SEMA3E: variants seen among roughly 807,000 people sequenced by gnomAD.
SEMA3E encodes semaphorin-3E.
In SEMA3E, 49 loss-of-function variants were observed where a neutral mutation model predicts 93.6. The ratio of observed to expected loss-of-function variants is 0.52; its 90% CI spans 0.42 to 0.66. The LOEUF (loss-of-function observed/expected upper bound fraction) is 0.66. SEMA3E is among the 30% of genes least tolerant of loss of function. SEMA3E has a pLI of 0.00. For synonymous variants in SEMA3E, 363 were observed against 330.7 expected (o/e 1.10, Z -1.06); for missense variants, 906 against 964.8 (o/e 0.94, Z 0.81).
chr7:83,473,697 A>G (rs1026658460), intron 2 of SEMA3E, among the ~76,000 whole-genome samples: 1 of 152,216 alleles, frequency 6.6e-6, no homozygotes, highest in African/African-American at 2.4e-5. Flanking sequence ...AATGGAACAG[A>G]TATTCTGATT....
At chr7:83,462,956 C>T (rs1213740709) in intron 4 of SEMA3E, among the ~76,000 whole-genome samples, 3 of 105,512 alleles carry the variant, frequency 2.8e-5, no homozygotes, top group African/African-American at 8.4e-5. Context: ...ATCCCAGCCT[C>T]TCTTCACTTT....
At chr7:83,567,686 T>G (rs954495019) in intron 1 of SEMA3E, among the ~76,000 whole-genome samples, 4 of 152,016 alleles carry the variant, frequency 2.6e-5, no homozygotes, top group Non-Finnish European at 5.9e-5. Flanking sequence ...CTTAAAAAAT[T>G]TTTTTAAATA....
chr7:83,443,937 ATATGTT>A (rs1789173383), intron 4 of SEMA3E, among the ~76,000 whole-genome samples: 2 of 141,576 alleles, frequency 1.4e-5, no homozygotes, highest in Admixed American at 1.4e-4. Context: ...ATATATATAT[ATATGTT>A]TATTACATGT....
intron 1 of SEMA3E, among the ~76,000 whole-genome samples, chr7:83,499,964 G>GGA (rs1790564160): frequency 6.6e-6 from 1 of 152,162 alleles, no homozygotes. Flanking sequence ...AATTATGTGG[G>GGA]GATAAGAAAT....
At chr7:83,604,071 G>A (rs1384169351) in intron 1 of SEMA3E, among the ~76,000 whole-genome samples, 1 of 152,054 alleles carries the variant, frequency 6.6e-6, no homozygotes, top group Non-Finnish European at 1.5e-5. Flanking sequence ...TAATGAACTT[G>A]ACTATAACCA....
At chr7:83,459,202 T>C (rs1385381843) in intron 4 of SEMA3E, among the ~76,000 whole-genome samples, 1 of 151,898 alleles carries the variant, frequency 6.6e-6, no homozygotes, top group East Asian at 1.9e-4. Flanking sequence ...TCTTAAAAGA[T>C]AAAGCAATTT....
intron 1 of SEMA3E, among the ~76,000 whole-genome samples, chr7:83,641,698 GC>G (rs1771371994): frequency 6.6e-6 from 1 of 152,006 alleles, no homozygotes. Flanking sequence ...GAAAATCTTT[GC>G]TTTTAAGTAA....
intron 1 of SEMA3E, among the ~76,000 whole-genome samples, chr7:83,523,935 A>G (rs1188714704): frequency 6.6e-6 from 1 of 152,126 alleles, no homozygotes; most frequent in African/African-American, 2.4e-5. Flanking sequence ...ACATTTAATA[A>G]AATATTTCAC....
Position 83,575,782 on chromosome 7 carries a change from T to C in SEMA3E, c.115+72646A>G, listed in dbSNP as rs141173336. On this transcript the variant is annotated intron_variant, in intron 1 of 16. Coordinates refer to ENST00000643230, the MANE Select transcript of SEMA3E (RefSeq NM_012431.3). ...AGAAAATATATCTTAACATTTTTAT[T>C]GTGTTTATAAGGAAAAATACCAATT... Among the ~76,000 whole-genome samples the C allele has an allele frequency of 6.1e-3, 931 of 152,304 alleles. 9 individuals carry two copies. The highest frequency in any genetic ancestry group is 0.022 in the African/African-American group (895 of 41,568).
chr7:83,560,787 C>T lies in SEMA3E; in HGVS notation c.116-70513G>A, dbSNP rs114862577. Among the ~76,000 whole-genome samples, 1,205 of 151,672 alleles carry T rather than the reference C, an allele frequency of 7.9e-3. 14 individuals carry two copies. The highest frequency in any genetic ancestry group is 0.028 in the African/African-American group (1,142 of 41,352). On this transcript the variant is annotated intron_variant, in intron 1 of 16. Transcript: ENST00000643230. ...TCTAGGTGCCAATGAACTTTGCCATCAGAAAATAATTTTTCAGAAGATTGC... is the reference window on the plus strand; with the variant it reads ...TCTAGGTGCCAATGAACTTTGCCATTAGAAAATAATTTTTCAGAAGATTGC...
At chr7:83,604,259 A>G (rs1162618632) in intron 1 of SEMA3E, among the ~76,000 whole-genome samples, 1 of 151,990 alleles carries the variant, frequency 6.6e-6, no homozygotes, top group Non-Finnish European at 1.5e-5. Context: ...GAGAAAGGAA[A>G]CTTCTTTCTT....
intron 1 of SEMA3E, chr7:83,616,849 T>C (rs1310714921): frequency 2.6e-5 from 9 of 345,316 alleles, no homozygotes; most frequent in Non-Finnish European, 4.5e-5. Context: ...CTCAGCCTCC[T>C]GAGTAGCTGG....
intron 1 of SEMA3E, among the ~76,000 whole-genome samples, chr7:83,534,476 A>G (rs529119627): frequency 4.6e-5 from 7 of 152,212 alleles, no homozygotes; most frequent in African/African-American, 7.2e-5. Context: ...CTCTTATTGT[A>G]TCTTAGAATT....
chr7:83,405,932 T>G lies in SEMA3E; in HGVS notation c.928+13A>C. On this transcript the variant is annotated intron_variant, in intron 8 of 16. Coordinates refer to ENST00000643230, the MANE Select transcript of SEMA3E (RefSeq NM_012431.3). ...CATAAAAGAGCAAATTTAATTCACC[T>G]AAAAACATTTACCTAATTCATCAAA... is the stretch of plus-strand genomic sequence containing the variant. 2 of 1,578,574 alleles carry G rather than the reference T, an allele frequency of 1.3e-6. No individual in the cohort carries two copies. The highest frequency in any genetic ancestry group is 1.7e-4 in the Middle Eastern group (1 of 5,978).
chr7:83,474,719 G>T (rs373469026), intron 2 of SEMA3E, among the ~76,000 whole-genome samples: 1 of 152,176 alleles, frequency 6.6e-6, no homozygotes, highest in East Asian at 1.9e-4. Context: ...TTACAATGCA[G>T]CTTTGCATAC....
chr7:83,463,289 C>G (rs1029522444), intron 4 of SEMA3E, among the ~76,000 whole-genome samples: 26 of 152,052 alleles, frequency 1.7e-4, no homozygotes, highest in Middle Eastern at 6.8e-3. Flanking sequence ...CTGTTTTAGC[C>G]TAGCCATCAT....
intron 1 of SEMA3E, among the ~76,000 whole-genome samples, chr7:83,606,724 G>A (rs1405005203): frequency 2.8e-5 from 4 of 142,542 alleles, no homozygotes; most frequent in Non-Finnish European, 6.0e-5. Context: ...TAACTAACCT[G>A]CACAATGTGC....
At position 83,464,850 on chromosome 7, in the gene SEMA3E, C is replaced by T. The variant is rs1197427204; in HGVS notation, c.456+1632G>A. On this transcript the variant is annotated intron_variant, in intron 4 of 16. Coordinates refer to ENST00000643230, the MANE Select transcript of SEMA3E (RefSeq NM_012431.3). ...GCAGCCCTGAGAAACATCGCCCATT[C>T]TCTCTCCATACCACCCCCCAAAAAT... 4.0e-5 allele frequency among the ~76,000 whole-genome samples: 6 copies of T among 149,756 alleles called. No individual in the cohort carries two copies. The East Asian group carries it at 1.0e-3, about 25-fold the overall frequency.
At position 83,412,354 on chromosome 7, in the gene SEMA3E, A is replaced by T. The variant is rs113898076; in HGVS notation, c.551-3867T>A. On this transcript the variant is annotated intron_variant, in intron 5 of 16. Transcript: ENST00000643230. ...TCTGAAATACAAAAAATGCTCAATA[A>T]ATATCTGTTGAATCAAAGAATGGCT... 5.4e-3 allele frequency among the ~76,000 whole-genome samples: 818 copies of T among 152,250 alleles called. 8 individuals are homozygous for T. Among genetic ancestry groups the T allele is most frequent in the African/African-American group, 0.019 (780 of 41,534 alleles).
Sources: allele counts gnomAD v4.1 joint callset (sites outside exome capture counted in the v4.1 genomes callset), GRCh38; gene constraint gnomAD v4.1.1; transcripts MANE v1.5; gene names NCBI Gene and HGNC (gene_info 2026-07-23, HGNC 2026-07-21).